Variants in RHOQ observed in about 807,000 individuals in gnomAD.
RHOQ encodes ras homolog family member Q, also known as rho-related GTP-binding protein RhoQ.
A neutral mutation model predicts 25.8 loss-of-function variants in RHOQ; 7 were observed. That is an observed-to-expected ratio of 0.27 (90% CI 0.15 to 0.51). The LOEUF (loss-of-function observed/expected upper bound fraction) is 0.51. Ranked by LOEUF, RHOQ falls within the 20% of genes least tolerant of loss-of-function variation. RHOQ has a pLI of 0.97. For synonymous variants in RHOQ, 97 were observed against 98.6 expected, an observed-to-expected ratio of 0.98 and a Z score of 0.10; for missense variants, 165 against 260.6, an observed-to-expected ratio of 0.63 and a Z score of 2.53.
chr2:46,582,576 C>T lies in RHOQ; in HGVS notation c.*1493C>T. The T allele has an allele frequency of 6.6e-6, 1 of 152,480 alleles. No homozygotes were observed. Among genetic ancestry groups the T allele is most frequent in the East Asian group, 1.9e-4 (1 of 5,208 alleles). 9.4% of individuals were successfully genotyped at this position (152,480 alleles called of 1,614,324 possible). ...GCATTTTAGAGAAACAATCTCATCA[C>T]ATTTTTTCTAGCCTTTCCTACATTT... On this transcript the variant is annotated 3_prime_UTR_variant, in exon 5 of 5. Transcript: ENST00000238738.
At chr2:46,553,790 G>T (rs1043313567) in intron 2 of RHOQ, among the ~76,000 whole-genome samples, 8 of 152,090 alleles carry the variant, frequency 5.3e-5, no homozygotes, top group African/African-American at 1.7e-4. Context: ...TATTGGCCAG[G>T]CTGGTCCCGA....
intron 2 of RHOQ, among the ~76,000 whole-genome samples, chr2:46,546,529 T>C (rs868487435): frequency 1.1e-5 from 1 of 90,376 alleles, no homozygotes; most frequent in Admixed American, 1.3e-4. Flanking sequence ...CATATATATA[T>C]ATACACAAAT....
rs1024961296 is a variant in RHOQ at position 46,556,225 on chromosome 2, A to G, written c.201+12413A>G. On this transcript the variant is annotated intron_variant, in intron 2 of 4. Coordinates refer to ENST00000238738, the MANE Select transcript of RHOQ (RefSeq NM_012249.4). The surrounding 1 kb of genome is among the most constrained non-coding windows in gnomAD (Gnocchi z 4.9). ...GTTTTCTAAGGTTCATCCATGTTGT[A>G]GAAGGTATCAACATTCCATTCCTTT... Among the ~76,000 whole-genome samples, 3 of 152,208 alleles carry G rather than the reference A, an allele frequency of 2.0e-5. No individual in the cohort carries two copies. Among genetic ancestry groups the G allele is most frequent in the Non-Finnish European group, 4.4e-5 (3 of 68,034 alleles).
chr2:46,548,821 C>T lies in RHOQ; in HGVS notation c.201+5009C>T, dbSNP rs1224660058. Among the ~76,000 whole-genome samples the T allele has an allele frequency of 1.3e-5, 2 of 152,232 alleles. No homozygotes were observed. Among genetic ancestry groups the T allele is most frequent in the African/African-American group, 4.8e-5 (2 of 41,464 alleles). ...AAGCTATTTATATCTCTAGCCCACA[C>T]CGCATCACACGGGAATGCTGGTTTC... On this transcript the variant is annotated intron_variant, in intron 2 of 4. Transcript: ENST00000238738. This position sits in a 1 kb window ranked among gnomAD's most constrained non-coding sequence, Gnocchi z 5.2.
rs984984404 is a variant in RHOQ at position 46,559,700 on chromosome 2, C to T, written c.201+15888C>T. Among the ~76,000 whole-genome samples, 3 of 152,162 alleles carry T rather than the reference C, an allele frequency of 2.0e-5. No individual in the cohort carries two copies. In the East Asian group the frequency reaches 5.8e-4, roughly 29 times the overall value. ...ATGTTCTCCTGGGGCAACACCAGTC[C>T]TCACTTACCCCACCCCCAGTTGAGA... On this transcript the variant is annotated intron_variant, in intron 2 of 4. Coordinates refer to ENST00000238738, the MANE Select transcript of RHOQ (RefSeq NM_012249.4).
At chr2:46,578,259 C>T (rs900506329) in intron 4 of RHOQ, among the ~76,000 whole-genome samples, 1 of 152,086 alleles carries the variant, frequency 6.6e-6, no homozygotes, top group African/African-American at 2.4e-5. Context: ...TACTATTGGT[C>T]ATTGAATCAA....
intron 2 of RHOQ, 145 bp from the exon 3 acceptor site, chr2:46,575,942 A>G: frequency 1.9e-6 from 1 of 526,182 alleles, no homozygotes; most frequent in Non-Finnish European, 3.1e-6. Context: ...ACAAAAACAG[A>G]GTTATCTGAT....
At position 46,548,910 on chromosome 2, in the gene RHOQ, A is replaced by G. The variant is rs1407068694; in HGVS notation, c.201+5098A>G. Among the ~76,000 whole-genome samples the G allele has an allele frequency of 2.0e-5, 3 of 152,158 alleles. No individual in the cohort carries two copies. Among genetic ancestry groups the G allele is most frequent in the Admixed American group, 6.5e-5 (1 of 15,280 alleles). ...CCAAAGCCTTTGCTGTGTTCGCTCC[A>G]AAGTCTGAATGCCCTGTGTTCCCCT... On this transcript the variant is annotated intron_variant, in intron 2 of 4. Coordinates refer to ENST00000238738, the MANE Select transcript of RHOQ (RefSeq NM_012249.4). This position sits in a 1 kb window ranked among gnomAD's most constrained non-coding sequence, Gnocchi z 5.2.
rs1373225063 is a variant in RHOQ at position 46,552,298 on chromosome 2, A to C, written c.201+8486A>C. ...GGCCCGAGGTGGCGCTGATGGCCCC[A>C]TTGCTCAAGTACGTGTGGAAGAAGC... On this transcript the variant is annotated intron_variant, in intron 2 of 4. Transcript: ENST00000238738. This position sits in a 1 kb window ranked among gnomAD's most constrained non-coding sequence, Gnocchi z 5.0. 6.6e-6 allele frequency among the ~76,000 whole-genome samples: 1 copy of C among 152,120 alleles called. No individual in the cohort carries two copies. The highest frequency in any genetic ancestry group is 1.9e-4 in the East Asian group (1 of 5,170).
rs1397029052 is a variant in RHOQ at position 46,569,596 on chromosome 2, G to A, written c.202-6491G>A. 2.6e-5 allele frequency: 4 copies of A among 152,168 alleles called. No homozygotes were observed. The highest frequency in any genetic ancestry group is 4.4e-5 in the Non-Finnish European group (3 of 68,034). 9.4% of individuals were successfully genotyped at this position (152,168 alleles called of 1,614,324 possible). Reference sequence around the variant, plus strand: ...CTAAACAGGAGTTACAATCAGTCAGGTGGCCAAAAGGAAAGCACAATGGAA... The same window carrying A: ...CTAAACAGGAGTTACAATCAGTCAGATGGCCAAAAGGAAAGCACAATGGAA... On this transcript the variant is annotated intron_variant, in intron 2 of 4. Coordinates refer to ENST00000238738, the MANE Select transcript of RHOQ (RefSeq NM_012249.4). This position sits in a 1 kb window ranked among gnomAD's most constrained non-coding sequence, Gnocchi z 4.1.
Position 46,576,718 on chromosome 2 carries a change from C to A in RHOQ, c.462+62C>A. 1.7e-6 allele frequency: 2 copies of A among 1,147,744 alleles called. No homozygotes were observed. The highest frequency in any genetic ancestry group is 2.6e-6 in the Non-Finnish European group (2 of 778,898). The allele number at this position is 1,147,744 out of a possible 1,614,324, so 71.1% of individuals were successfully genotyped here. A position where few individuals can be genotyped will look rare whatever the true frequency, so the allele number is the denominator to read the frequency against. ...AAAGATGCTAAGATAACAATAGAAG[C>A]TAATTTTATTGTGTATTTACTGTGT... On this transcript the variant is annotated intron_variant, in intron 4 of 4. Coordinates refer to ENST00000238738, the MANE Select transcript of RHOQ (RefSeq NM_012249.4). This position sits in a 1 kb window ranked among gnomAD's most constrained non-coding sequence, Gnocchi z 5.1.
chr2:46,552,163 AC>A lies in RHOQ; in HGVS notation c.201+8352del, dbSNP rs150049327. Among the ~76,000 whole-genome samples, 546 of 152,356 alleles carry A rather than the reference AC, an allele frequency of 3.6e-3. 3 individuals are homozygous for A. Among genetic ancestry groups the A allele is most frequent in the African/African-American group, 0.012 (517 of 41,588 alleles). On this transcript the variant is annotated intron_variant, in intron 2 of 4. Coordinates refer to ENST00000238738, the MANE Select transcript of RHOQ (RefSeq NM_012249.4). The surrounding 1 kb of genome is among the most constrained non-coding windows in gnomAD (Gnocchi z 5.0). ...GTGGAACATTGTGTATAGGTGGAACACGTAGGGACGGCTGCTAAAACGGCTC... is the reference window on the plus strand; with the variant it reads ...GTGGAACATTGTGTATAGGTGGAACAGTAGGGACGGCTGCTAAAACGGCTC...
In RHOQ at chr2:46,548,751, A is replaced by G. The variant is rs1006133297; in HGVS notation, c.201+4939A>G. The stretch of plus-strand genomic sequence containing the variant: ...CTGAGCATCCTGGTTTCCCTTAGTA[A>G]CCTACTGTAGATTTGTCATGTGTGC... On this transcript the variant is annotated intron_variant, in intron 2 of 4. Transcript: ENST00000238738. The surrounding 1 kb of genome is among the most constrained non-coding windows in gnomAD (Gnocchi z 5.2). 1.3e-5 allele frequency among the ~76,000 whole-genome samples: 2 copies of G among 152,016 alleles called. No homozygotes were observed. The highest frequency in any genetic ancestry group is 3.9e-4 in the East Asian group (2 of 5,186).
chr2:46,547,329 G>C (rs1489590000), intron 2 of RHOQ, among the ~76,000 whole-genome samples: 1 of 152,232 alleles, frequency 6.6e-6, no homozygotes, highest in Non-Finnish European at 1.5e-5. Context: ...GGCATCATTT[G>C]TCCGACTGAC....
At position 46,549,240 on chromosome 2, in the gene RHOQ, C is replaced by T. The variant is rs80314592; in HGVS notation, c.201+5428C>T. Among the ~76,000 whole-genome samples, 56 of 152,124 alleles carry T rather than the reference C, an allele frequency of 3.7e-4. No individual in the cohort carries two copies. In the East Asian group the frequency reaches 6.6e-3, roughly 18 times the overall value. On this transcript the variant is annotated intron_variant, in intron 2 of 4. Transcript: ENST00000238738. ...TGCCAAGCTCTCATCTCTGAGGGGC[C>T]GGGGGAGTGACAGCCTAAGGGGGTT...
chr2:46,566,381 C>T lies in RHOQ; in HGVS notation c.202-9706C>T, dbSNP rs970725404. ...CCTCTTGAGTTCTCTCCCTATGGTG[C>T]TTCTCTACCCTACCCTCAGTTTTCT... is the stretch of plus-strand genomic sequence containing the variant. On this transcript the variant is annotated intron_variant, in intron 2 of 4. Transcript: ENST00000238738. The surrounding 1 kb of genome is among the most constrained non-coding windows in gnomAD (Gnocchi z 4.2). 2.0e-5 allele frequency among the ~76,000 whole-genome samples: 3 copies of T among 152,108 alleles called. No homozygotes were observed. The highest frequency in any genetic ancestry group is 7.2e-5 in the African/African-American group (3 of 41,414).
Position 46,569,153 on chromosome 2 carries a change from C to T in RHOQ, c.202-6934C>T, listed in dbSNP as rs770949886. 6.6e-6 allele frequency: 1 copy of T among 152,324 alleles called. No homozygotes were observed. The highest frequency in any genetic ancestry group is 1.5e-5 in the Non-Finnish European group (1 of 68,038). 9.4% of individuals were successfully genotyped at this position (152,324 alleles called of 1,614,324 possible). On this transcript the variant is annotated intron_variant, in intron 2 of 4. Transcript: ENST00000238738. This position sits in a 1 kb window ranked among gnomAD's most constrained non-coding sequence, Gnocchi z 4.1. ...TTTTTTGGAAAGTCAGGCTTGTCTGCCAAAGAGCTCGAAACACTTGACCAG... is the reference window on the plus strand; with the variant it reads ...TTTTTTGGAAAGTCAGGCTTGTCTGTCAAAGAGCTCGAAACACTTGACCAG...
intron 2 of RHOQ, among the ~76,000 whole-genome samples, chr2:46,549,478 G>T (rs1668173489): frequency 6.6e-6 from 1 of 152,160 alleles, no homozygotes; most frequent in East Asian, 1.9e-4. Flanking sequence ...AAGAGCACAT[G>T]TGTTGGCAGC....
intron 2 of RHOQ, among the ~76,000 whole-genome samples, chr2:46,550,634 CTT>C (rs1321628233): frequency 3.9e-5 from 6 of 152,216 alleles, no homozygotes; most frequent in Non-Finnish European, 1.5e-5. Flanking sequence ...AGTTCTACCT[CTT>C]TGTAGCTGTG....
Sources: gnomAD v4.1 joint callset for allele counts (sites outside exome capture counted in the v4.1 genomes callset) on GRCh38, gnomAD v4.1.1 for gene constraint, Gnocchi (gnomAD v3.1) non-coding constraint, MANE v1.5 for transcripts, NCBI Gene and HGNC (gene_info 2026-07-23, HGNC 2026-07-21) for gene names.